Variants in PCMT1 observed in about 807,000 individuals in gnomAD.
PCMT1 encodes the protein protein-L-isoaspartate(D-aspartate) O-methyltransferase.
PCMT1 carries 9 observed loss-of-function variants against 29.2 expected under a neutral mutation model. That is an observed-to-expected ratio of 0.31 (90% CI 0.19 to 0.54). PCMT1 has a LOEUF of 0.54. Ranked by LOEUF, PCMT1 falls within the 20% of genes least tolerant of loss-of-function variation. PCMT1 has a pLI of 0.95. For synonymous variants in PCMT1, 98 were observed against 97.5 expected (o/e 1.00, Z -0.03); for missense variants, 184 against 282.2 (o/e 0.65, Z 2.49).
chr6:149,785,927 C>T (rs1788025996), intron 3 of PCMT1, among the ~76,000 whole-genome samples: 1 of 151,942 alleles, frequency 6.6e-6, no homozygotes, highest in East Asian at 1.9e-4. Context: ...GTTGGGCACA[C>T]CTCCCAGACG....
chr6:149,772,588 G>A (rs868390564), intron 2 of PCMT1: 8 of 455,654 alleles, frequency 1.8e-5, no homozygotes, highest in Admixed American at 4.7e-5. Context: ...TTTAGCTGCC[G>A]TACTTTAGAG....
chr6:149,773,015 A>AG (rs1443806819), intron 2 of PCMT1, 123 bp from the exon 3 acceptor site: 4 of 726,138 alleles, frequency 5.5e-6, no homozygotes, highest in South Asian at 1.8e-5. Context: ...AGACTGTCTC[A>AG]GAAAAAAAAA....
At chr6:149,754,912 T>A (rs1337215850) in intron 1 of PCMT1, among the ~76,000 whole-genome samples, 1 of 152,226 alleles carries the variant, frequency 6.6e-6, no homozygotes, top group Non-Finnish European at 1.5e-5. Context: ...ATAATGGTGC[T>A]GGCATGTAAT....
chr6:149,771,057 ATTCTCTC>A (rs1478408094), intron 1 of PCMT1, 98 bp from the exon 2 acceptor site: 6 of 582,422 alleles, frequency 1.0e-5, no homozygotes, highest in Non-Finnish European at 1.7e-5. Context: ...ACTTCCAATC[ATTCTCTC>A]TTCCAGTTCA....
intron 5 of PCMT1, chr6:149,796,001 T>C (rs1404947535): frequency 5.6e-6 from 1 of 178,132 alleles, no homozygotes; most frequent in African/African-American, 2.4e-5. Flanking sequence ...CTTAATCTGT[T>C]CACAGATATT....
intron 6 of PCMT1, 26 bp from the exon 7 acceptor site, chr6:149,802,174 T>C: frequency 7.2e-7 from 1 of 1,390,456 alleles, no homozygotes; most frequent in Non-Finnish European, 9.7e-7. Context: ...CTTGGTGATG[T>C]ATGTGCTTTT....
In PCMT1 at chr6:149,811,152, C is replaced by G. The variant is rs558719308; in HGVS notation, c.*574C>G. 6.6e-6 allele frequency: 1 copy of G among 152,634 alleles called. No homozygotes were observed. Among genetic ancestry groups the G allele is most frequent in the African/African-American group, 2.4e-5 (1 of 41,430 alleles). 9.5% of individuals were successfully genotyped at this position (152,634 alleles called of 1,614,324 possible). ...TAGATACAATCAGCTGCTTTGTTAC[C>G]TTAAAACTAGGCATTTGTAAATATT... On this transcript the variant is annotated 3_prime_UTR_variant, in exon 8 of 8. Transcript: ENST00000464889.
chr6:149,769,009 A>T (rs764469719), intron 1 of PCMT1, among the ~76,000 whole-genome samples: 26 of 152,106 alleles, frequency 1.7e-4, no homozygotes, highest in Non-Finnish European at 3.8e-4. Flanking sequence ...TGTATTTTGA[A>T]GTTAATTCTT....
At chr6:149,789,748 G>T (rs973926244) in intron 3 of PCMT1, among the ~76,000 whole-genome samples, 9 of 151,914 alleles carry the variant, frequency 5.9e-5, no homozygotes, top group African/African-American at 1.7e-4. Flanking sequence ...CACACTGGAG[G>T]TCTAAAATTA....
chr6:149,793,046 C>T (rs1788437163), intron 4 of PCMT1, among the ~76,000 whole-genome samples: 1 of 151,634 alleles, frequency 6.6e-6, no homozygotes, highest in Non-Finnish European at 1.5e-5. Flanking sequence ...GCCTGTAGTC[C>T]CAGCTACTCA....
chr6:149,777,275 A>C (rs1209541192), intron 3 of PCMT1, among the ~76,000 whole-genome samples: 2 of 152,270 alleles, frequency 1.3e-5, no homozygotes, highest in Non-Finnish European at 2.9e-5. Context: ...AAAATGGTGA[A>C]TATCACATGT....
intron 1 of PCMT1, among the ~76,000 whole-genome samples, chr6:149,753,748 A>G (rs190348847): frequency 2.0e-5 from 3 of 152,316 alleles, no homozygotes; most frequent in Non-Finnish European, 4.4e-5. Context: ...CTGTGGTTGT[A>G]TGATTTCATA....
chr6:149,786,531 G>A lies in PCMT1; in HGVS notation c.193-3423G>A, dbSNP rs373141296. 2.8e-4 allele frequency among the ~76,000 whole-genome samples: 24 copies of A among 86,204 alleles called. 3 individuals are homozygous for A. In the South Asian group the frequency reaches 7.4e-3, roughly 26 times the overall value. The allele number at this position is 86,204 out of a possible 152,430, so 56.6% of individuals were successfully genotyped here. On this transcript the variant is annotated intron_variant, in intron 3 of 7. Coordinates refer to ENST00000464889, the MANE Select transcript of PCMT1 (RefSeq NM_001360452.2). ...TCACTTCTCAGACGGGGCGGCTGCC[G>A]GGCGGAGGGGCTCCTCACTTCTCAG...
chr6:149,809,074 G>A (rs1433092351), intron 7 of PCMT1, among the ~76,000 whole-genome samples: 1 of 150,154 alleles, frequency 6.7e-6, no homozygotes, highest in Non-Finnish European at 1.5e-5. Context: ...GAGCAACGTG[G>A]TGAAACCCTG....
intron 1 of PCMT1, among the ~76,000 whole-genome samples, chr6:149,750,917 C>G (rs1786288846): frequency 6.6e-6 from 1 of 152,134 alleles, no homozygotes; most frequent in South Asian, 2.1e-4. Context: ...GTAATCATAT[C>G]TTGTCACATG....
upstream of PCMT1, chr6:149,749,721 G>T: frequency 6.5e-7 from 1 of 1,538,842 alleles, no homozygotes. Context: ...CATGCGTGCC[G>T]CGGGGGATGC....
intron 7 of PCMT1, among the ~76,000 whole-genome samples, chr6:149,803,052 C>CAAAAAAAAAAA (rs60853264): frequency 2.4e-4 from 17 of 70,568 alleles, no homozygotes; most frequent in Admixed American, 3.6e-4. Context: ...GGCTCTGTCT[C>CAAAAAAAAAAA]AAAAAAAAAA....
chr6:149,802,193 C>A lies in PCMT1; in HGVS notation c.505-7C>A. ...GTGATGTATGTGCTTTTTTTTTTTT[C>A]TTTTAGCTAATAGATCAGTTAAAGC... On this transcript the variant is annotated splice_polypyrimidine_tract_variant and splice_region_variant and intron_variant, in intron 6 of 7. Transcript: ENST00000464889. The A allele has an allele frequency of 7.0e-7, 1 of 1,433,940 alleles. No individual in the cohort carries two copies. Among genetic ancestry groups the A allele is most frequent in the Admixed American group, 2.4e-5 (1 of 42,106 alleles). The allele number at this position is 1,433,940 out of a possible 1,614,324, so 88.8% of individuals were successfully genotyped here.
chr6:149,799,044 G>T (rs1032810677), intron 6 of PCMT1: 2 of 152,194 alleles, frequency 1.3e-5, no homozygotes, highest in African/African-American at 4.8e-5. Context: ...GAGGCCAGGT[G>T]TGGTGGCTCA....
Sources: allele counts gnomAD v4.1 joint callset (sites outside exome capture counted in the v4.1 genomes callset), GRCh38; gene constraint gnomAD v4.1.1; transcripts MANE v1.5; gene names NCBI Gene and HGNC (gene_info 2026-07-23, HGNC 2026-07-21).